MTMR4: variants seen among roughly 807,000 people sequenced by gnomAD.
MTMR4 encodes the protein phosphatidylinositol-3,5-bisphosphate 3-phosphatase MTMR4.
Under a neutral mutation model 125.5 loss-of-function variants are expected in MTMR4, and 30 were observed. The observed-to-expected ratio is 0.24, with a 90% CI of 0.18 to 0.32. The LOEUF (loss-of-function observed/expected upper bound fraction) is 0.32, where lower values mean the gene tolerates loss of function less well. Ranked by LOEUF, MTMR4 falls within the 10% of genes least tolerant of loss-of-function variation. The probability of loss-of-function intolerance (pLI) is 1.00; values close to 1 mark genes in which losing one functional copy is unlikely to be tolerated. For missense variants in MTMR4, 1,039 were observed against 1,511.5 expected (o/e 0.69, Z 5.18); for synonymous variants, 498 against 564.5 (o/e 0.88, Z 1.67).
intron 9 of MTMR4, among the ~76,000 whole-genome samples, chr17:58,506,318 G>A (rs904124189): frequency 6.6e-6 from 1 of 152,146 alleles, no homozygotes; most frequent in Non-Finnish European, 1.5e-5. Flanking sequence ...AAGTGGCTGG[G>A]ATGGGGCCAC....
At chr17:58,500,332 G>T (rs1390064958) in intron 14 of MTMR4, among the ~76,000 whole-genome samples, 2 of 151,974 alleles carry the variant, frequency 1.3e-5, no homozygotes, top group African/African-American at 4.8e-5. Context: ...CTACCATGTT[G>T]CCCAGGTTGG....
In MTMR4 at chr17:58,507,234, G is replaced by A. The variant is rs1407834488; in HGVS notation, c.793C>T (p.Leu265=). Residue 265 remains leucine (L), a synonymous_variant, in exon 8 of 18, where the codon CTG becomes TTG. Transcript: ENST00000682306. ...WGWRNADDEY[L]VTSIAKACAL... ...CAGGCTTTAGCAATGGACGTGACCAGGTACTCATCATCAGCATTGCGCCAG... is the reference window on the plus strand; with the variant it reads ...CAGGCTTTAGCAATGGACGTGACCAAGTACTCATCATCAGCATTGCGCCAG... 2 of 1,614,224 alleles carry A rather than the reference G, an allele frequency of 1.2e-6. No individual in the cohort carries two copies. The highest frequency in any genetic ancestry group is 3.3e-5 in the Admixed American group (2 of 60,026).
chr17:58,507,294 C>T lies in MTMR4; in HGVS notation c.733G>A (p.Ala245Thr), dbSNP rs755283848. Residue 245 changes from alanine (A) to threonine (T), a missense_variant, in exon 8 of 18, where the codon GCC (alanine) becomes ACC (threonine). This residue lies in a region of MTMR4 where 202 missense variants were observed against 311.9 expected (regional missense o/e 0.65). Coordinates refer to ENST00000682306, the MANE Select transcript of MTMR4 (RefSeq NM_001378067.1). ...YRHLRNGAAI[A>T]RCSQPEISWW... ...CTGATCTCTGGCTGGCTGCAGCGGG[C>T]GATGGCAGCCCCATTGCGCAAGTGT... 3.1e-6 allele frequency: 5 copies of T among 1,613,484 alleles called. No homozygotes were observed. The highest frequency in any genetic ancestry group is 1.3e-5 in the African/African-American group (1 of 74,902).
upstream of MTMR4, among the ~76,000 whole-genome samples, chr17:58,518,727 G>A (rs1026158851): frequency 6.6e-6 from 1 of 152,134 alleles, no homozygotes; most frequent in Admixed American, 6.5e-5. Context: ...TTCCTTCCCG[G>A]GGACCCAGAA....
intron 7 of MTMR4, chr17:58,507,843 A>G (rs1333466442): frequency 8.3e-6 from 2 of 240,910 alleles, no homozygotes; most frequent in Non-Finnish European, 1.6e-5. Context: ...ATAATAGGCT[A>G]TAAGCCAGAT....
intron 4 of MTMR4, among the ~76,000 whole-genome samples, chr17:58,509,450 G>A (rs1975868774): frequency 7.4e-6 from 1 of 135,828 alleles, no homozygotes; most frequent in Non-Finnish European, 1.5e-5. Context: ...TCTTGCTCTT[G>A]CTCTGTCACC....
chr17:58,492,792 AT>A, intron 16 of MTMR4, 49 bp downstream of exon 16: 1 of 1,520,076 alleles, frequency 6.6e-7, no homozygotes, highest in African/African-American at 1.4e-5. Flanking sequence ...GGAAAATATG[AT>A]GACTCACTGG....
At chr17:58,497,490 T>C (rs927226269) in intron 14 of MTMR4, among the ~76,000 whole-genome samples, 8 of 152,140 alleles carry the variant, frequency 5.3e-5, no homozygotes, top group Non-Finnish European at 1.2e-4. Flanking sequence ...GGAATAAAGG[T>C]AAAGTACCTA....
At chr17:58,496,946 C>G (rs1259724357) in intron 14 of MTMR4, among the ~76,000 whole-genome samples, 1 of 152,204 alleles carries the variant, frequency 6.6e-6, no homozygotes, top group Non-Finnish European at 1.5e-5. Context: ...CAACACAACT[C>G]CCTCAACACT....
upstream of MTMR4, chr17:58,516,481 G>A: frequency 3.1e-6 from 4 of 1,283,614 alleles, no homozygotes; most frequent in South Asian, 3.6e-5. Context: ...GAACAGGGTA[G>A]CCTGGAGCTC....
Position 58,512,381 on chromosome 17 carries a change from G to A in MTMR4, c.252+9C>T. The A allele has an allele frequency of 1.9e-6, 3 of 1,599,324 alleles. No homozygotes were observed. Among genetic ancestry groups the A allele is most frequent in the Non-Finnish European group, 2.6e-6 (3 of 1,166,450 alleles). ...AGCTTAGGGGTAGGAGAACAATACAGAAACTCACGTTGATGACAGAGTCCT... is the reference window on the plus strand; with the variant it reads ...AGCTTAGGGGTAGGAGAACAATACAAAAACTCACGTTGATGACAGAGTCCT... On this transcript the variant is annotated intron_variant, in intron 3 of 17. Transcript: ENST00000682306. This position sits in a 1 kb window ranked among gnomAD's most constrained non-coding sequence, Gnocchi z 4.1.
intron 1 of MTMR4, 177 bp downstream of exon 1, chr17:58,514,186 G>T: frequency 2.1e-6 from 1 of 485,576 alleles, no homozygotes; most frequent in Non-Finnish European, 2.7e-6. Context: ...ACCATCTCCG[G>T]CACCCAAAGA....
At chr17:58,502,657 G>A (rs997848259) in intron 14 of MTMR4, among the ~76,000 whole-genome samples, 4 of 151,992 alleles carry the variant, frequency 2.6e-5, no homozygotes, top group Non-Finnish European at 5.9e-5. Context: ...ATACAAAGCG[G>A]GAAAAACAAT....
Position 58,512,514 on chromosome 17 carries a change from G to T in MTMR4, c.136-8C>A. 1 of 1,608,838 alleles carries T rather than the reference G, an allele frequency of 6.2e-7. No homozygotes were observed. The highest frequency in any genetic ancestry group is 8.5e-7 in the Non-Finnish European group (1 of 1,175,342). ...CAGCACTGTGAAGGGGACCTGTCAA[G>T]GGGCAGAGAAACCTTCAGTCCAGAA... On this transcript the variant is annotated splice_polypyrimidine_tract_variant and splice_region_variant and intron_variant, in intron 2 of 17. Coordinates refer to ENST00000682306, the MANE Select transcript of MTMR4 (RefSeq NM_001378067.1). The surrounding 1 kb of genome is among the most constrained non-coding windows in gnomAD (Gnocchi z 4.1).
rs1404263050 is a variant in MTMR4, at chr17:58,491,683, T to C, written c.3610A>G (p.Ile1204Val). The C allele has an allele frequency of 2.5e-6, 4 of 1,613,834 alleles. No homozygotes were observed. Among genetic ancestry groups the C allele is most frequent in the Non-Finnish European group, 3.4e-6 (4 of 1,179,772 alleles). The change falls in exon 18 of 18, where the codon ATT (isoleucine) becomes GTT (valine). Residue 1204 changes from isoleucine to valine, a missense_variant. By Grantham distance (29) the Ile-to-Val change is conservative. This residue lies in a region of MTMR4 where 60 missense variants were observed against 129.6 expected (regional missense o/e 0.46). Transcript: ENST00000682306. ...GGCATTCAACTGGAAGCTGTAGCAA[T>C]GGGTTTCTTCAGCTGTTGGCTCATG... ...ELMSQQLKKP[I>V]ATASS
chr17:58,516,836 C>T (rs3744109), upstream of MTMR4, among the ~76,000 whole-genome samples: 55,226 of 152,058 alleles, frequency 0.36, 10,400 homozygotes, highest in East Asian at 0.51. Context: ...AAGTCAGCCA[C>T]GAAGTTCTGA....
In MTMR4 at chr17:58,495,403, C is replaced by T. The variant is rs1397037491; in HGVS notation, c.2781G>A (p.Met927Ile). 6.2e-7 allele frequency: 1 copy of T among 1,614,248 alleles called. No individual in the cohort carries two copies. ...LGSNWDSFQG[M>I]VTSFPSGEAT... ...CCTCCCCACTTGGGAATGAAGTCAC[C>T]ATCCCTTGGAAGCTGTCCCAGTTGG... Residue 927 changes from methionine (M) to isoleucine (I), a missense_variant, in exon 15 of 18, where the codon ATG becomes ATA. Met to Ile is a conservative substitution (Grantham distance 10). Around this residue, in one of 6 missense-constraint regions of MTMR4, gnomAD observed 619 missense variants for 714.5 expected, o/e 0.87. Transcript: ENST00000682306.
At position 58,504,560 on chromosome 17, in the gene MTMR4, C is replaced by T. The variant is rs1975726951; in HGVS notation, c.1342-72G>A. ...TGATGTGCTACTCCCCTGGGAACTG[C>T]CCAAAGCAGGAAGCTGGCAGCTTCA... On this transcript the variant is annotated intron_variant, in intron 11 of 17. Transcript: ENST00000682306. This position sits in a 1 kb window ranked among gnomAD's most constrained non-coding sequence, Gnocchi z 7.1. 1.3e-6 allele frequency: 2 copies of T among 1,523,264 alleles called. No individual in the cohort carries two copies. The highest frequency in any genetic ancestry group is 8.9e-7 in the Non-Finnish European group (1 of 1,129,180). The allele number at this position is 1,523,264 out of a possible 1,614,324, so 94.4% of individuals were successfully genotyped here.
chr17:58,512,753 C>G lies in MTMR4; in HGVS notation c.135+99G>C. 9.5e-7 allele frequency: 1 copy of G among 1,056,312 alleles called. No individual in the cohort carries two copies. The highest frequency in any genetic ancestry group is 1.4e-6 in the Non-Finnish European group (1 of 694,850). The allele number at this position is 1,056,312 out of a possible 1,614,324, so 65.4% of individuals were successfully genotyped here. A position where few individuals can be genotyped will look rare whatever the true frequency, so the allele number is the denominator to read the frequency against. ...GAGACCAGGGAACATGAAGCCAGAG[C>G]TCTGGTACCAGATGCCCTTGAGGAT... On this transcript the variant is annotated intron_variant, in intron 2 of 17. Transcript: ENST00000682306. The surrounding 1 kb of genome is among the most constrained non-coding windows in gnomAD (Gnocchi z 4.1).
Sources: gnomAD v4.1 joint callset for allele counts (sites outside exome capture counted in the v4.1 genomes callset) on GRCh38, gnomAD v4.1.1 for gene constraint, gnomAD v4.1.1 regional missense constraint, Gnocchi (gnomAD v3.1) non-coding constraint, MANE v1.5 for transcripts, NCBI Gene and HGNC (gene_info 2026-07-23, HGNC 2026-07-21) for gene names.